The following REX1BD variants were observed in gnomAD, a reference collection of about 807,000 sequenced individuals.
REX1BD encodes required for excision 1-B domain-containing protein.
In REX1BD, 22 loss-of-function variants were observed where a neutral mutation model predicts 24.4. The observed-to-expected ratio is 0.90, with a 90% CI of 0.64 to 1.29. The LOEUF (loss-of-function observed/expected upper bound fraction) is 1.29. Ranked by LOEUF, REX1BD falls within the 50% of genes most tolerant of loss-of-function variation. The pLI, the probability that REX1BD is intolerant of heterozygous loss-of-function variation, is 0.00. For synonymous variants in REX1BD, 146 were observed against 125.9 expected, an observed-to-expected ratio of 1.16 and a Z score of -1.07; for missense variants, 293 against 285.3, an observed-to-expected ratio of 1.03 and a Z score of -0.19.
chr19:18,589,210 C>T lies in REX1BD; in HGVS notation c.182+133C>T. The stretch of plus-strand genomic sequence containing the variant: ...GCAGAGTCAGATGGGGCGGGGATTT[C>T]GGGGCACCGGGTCCTCACCTTCACG... On this transcript the variant is annotated intron_variant, in intron 2 of 4. Transcript: ENST00000358607. The T allele has an allele frequency of 6.6e-6, 10 of 1,505,274 alleles. No homozygotes were observed. In the South Asian group the frequency reaches 1.1e-4, roughly 17 times the overall value. The allele number at this position is 1,505,274 out of a possible 1,614,324, so 93.2% of individuals were successfully genotyped here.
chr19:18,589,006 G>C lies in REX1BD; in HGVS notation c.111G>C (p.Pro37=). 6.5e-7 allele frequency: 1 copy of C among 1,527,860 alleles called. No individual in the cohort carries two copies. Among genetic ancestry groups the C allele is most frequent in the Non-Finnish European group, 8.7e-7 (1 of 1,143,902 alleles). The allele number at this position is 1,527,860 out of a possible 1,614,324, so 94.6% of individuals were successfully genotyped here. A position where few individuals can be genotyped will look rare whatever the true frequency, so the allele number is the denominator to read the frequency against. Residue 37 remains proline, a synonymous_variant, in exon 2 of 5, where the codon CCG becomes CCC. Coordinates refer to ENST00000358607, the MANE Select transcript of REX1BD (RefSeq NM_001100418.2). ...CCCCTGTCCCGCAGAAAGACGCCCC[G>C]ATCCGGACGCTGGTGCAGCGCATCC... ...EEPAWPWKDA[P]IRTLVQRIHQ...
intron 3 of REX1BD, 60 bp downstream of exon 3, chr19:18,589,743 C>G: frequency 7.0e-7 from 1 of 1,433,138 alleles, no homozygotes; most frequent in Non-Finnish European, 9.1e-7. Flanking sequence ...CCTCTCATGA[C>G]GCACCCCTGG....
At chr19:18,588,965 C>A (rs1229735526) in intron 1 of REX1BD, 30 bp from the exon 2 acceptor site, 2 of 1,523,622 alleles carry the variant, frequency 1.3e-6, no homozygotes, top group Admixed American at 4.0e-5. Context: ...GCGCGGGCTT[C>A]ATGCCCCAGC....
Position 18,588,915 on chromosome 19 carries a change from A to G in REX1BD, c.99+15A>G, listed in dbSNP as rs1975974042. 1 of 1,527,180 alleles carries G rather than the reference A, an allele frequency of 6.5e-7. No individual in the cohort carries two copies. The highest frequency in any genetic ancestry group is 1.4e-5 in the African/African-American group (1 of 71,950). 94.6% of individuals were successfully genotyped at this position (1,527,180 alleles called of 1,614,324 possible). A position where few individuals can be genotyped will look rare whatever the true frequency, so the allele number is the denominator to read the frequency against. On this transcript the variant is annotated intron_variant, in intron 1 of 4. Transcript: ENST00000358607. ...CGTGGCCCTGGGTGAGCCCAGGCCC[A>G]AGCGGGAACGGGCGCGGGGCGGGCG...
intron 2 of REX1BD, 93 bp downstream of exon 2, chr19:18,589,170 G>A (rs1173614318): frequency 1.4e-6 from 2 of 1,478,604 alleles, no homozygotes; most frequent in East Asian, 2.5e-5. Context: ...GGAGGAGCTG[G>A]GTCCTTGTGT....
In REX1BD at chr19:18,589,770, G is replaced by A. The variant is rs923548659; in HGVS notation, c.453+87G>A. The A allele has an allele frequency of 2.1e-6, 3 of 1,424,312 alleles. No individual in the cohort carries two copies. The East Asian group carries it at 7.8e-5, about 37-fold the overall frequency. 88.2% of individuals were successfully genotyped at this position (1,424,312 alleles called of 1,614,324 possible). Reference sequence around the variant, plus strand: ...CACCCCTGGTTGGGGGGTGGTCCCAGTATCCCATACACAGACCTCACCCCT... The same window carrying A: ...CACCCCTGGTTGGGGGGTGGTCCCAATATCCCATACACAGACCTCACCCCT... On this transcript the variant is annotated intron_variant, in intron 3 of 4. Transcript: ENST00000358607.
At chr19:18,589,911 C>T (rs999408167) in intron 3 of REX1BD, 6 of 560,458 alleles carry the variant, frequency 1.1e-5, no homozygotes, top group African/African-American at 6.0e-5. Flanking sequence ...AGAGCACTCC[C>T]GCTTTCTCCC....
chr19:18,590,689 C>T (rs7258589), intron 3 of REX1BD, 165 bp from the exon 4 acceptor site: 133,723 of 614,636 alleles, frequency 0.22, 16,220 homozygotes, highest in Non-Finnish European at 0.25. Context: ...CTGAGAGAGC[C>T]TCTAAACTGA....
At chr19:18,589,161 G>A in intron 2 of REX1BD, 84 bp downstream of exon 2, 1 of 1,470,116 alleles carries the variant, frequency 6.8e-7, no homozygotes, top group Non-Finnish European at 9.0e-7. Context: ...GTGCCTGGAG[G>A]AGGAGCTGGG....
chr19:18,589,141 C>T, intron 2 of REX1BD, 64 bp downstream of exon 2: 1 of 1,462,884 alleles, frequency 6.8e-7, no homozygotes. Context: ...TGGGCGTGTT[C>T]TCGGCGGGCG....
Position 18,589,394 on chromosome 19 carries a change from C to A in REX1BD, c.183-19C>A. 1 of 1,556,320 alleles carries A rather than the reference C, an allele frequency of 6.4e-7. No homozygotes were observed. Among genetic ancestry groups the A allele is most frequent in the South Asian group, 1.2e-5 (1 of 84,472 alleles). On this transcript the variant is annotated intron_variant, in intron 2 of 4. Transcript: ENST00000358607. ...TCCTCCCCTCTGGTGTCTGGGGACACTTCCTGGGGGCCTTTCAGGTGGTTG... is the reference window on the plus strand; with the variant it reads ...TCCTCCCCTCTGGTGTCTGGGGACAATTCCTGGGGGCCTTTCAGGTGGTTG...
chr19:18,590,106 C>G lies in REX1BD; in HGVS notation c.453+423C>G, dbSNP rs143626884. 2.5e-3 allele frequency: 445 copies of G among 176,082 alleles called. 2 individuals are homozygous for G. The highest frequency in any genetic ancestry group is 9.9e-3 in the African/African-American group (421 of 42,376). 10.9% of individuals were successfully genotyped at this position (176,082 alleles called of 1,614,324 possible). On this transcript the variant is annotated intron_variant, in intron 3 of 4. Transcript: ENST00000358607. ...GCTTTAGTTCTTTGCCTATTTCTCT[C>G]TTGCGATCCGCCTGCTCGGCCCTGC... is the stretch of plus-strand genomic sequence containing the variant.
chr19:18,589,631 T>C lies in REX1BD; in HGVS notation c.401T>C (p.Leu134Pro). The C allele has an allele frequency of 3.9e-6, 6 of 1,520,232 alleles. No homozygotes were observed. Among genetic ancestry groups the C allele is most frequent in the Non-Finnish European group, 5.3e-6 (6 of 1,141,318 alleles). 94.2% of individuals were successfully genotyped at this position (1,520,232 alleles called of 1,614,324 possible). A position where few individuals can be genotyped will look rare whatever the true frequency, so the allele number is the denominator to read the frequency against. Reference protein sequence around the residue: ...ELGGPRRQPLLAGHVRSLQEL... With the variant: ...ELGGPRRQPLPAGHVRSLQEL... The stretch of plus-strand genomic sequence containing the variant: ...GGCGGGCCTCGCAGGCAGCCGCTGC[T>C]CGCCGGCCACGTGCGCAGCCTGCAG... Residue 134 changes from leucine (L) to proline (P), a missense_variant, in exon 3 of 5, where the codon CTC (leucine) becomes CCC (proline). Transcript: ENST00000358607.
intron 2 of REX1BD, 164 bp downstream of exon 2, chr19:18,589,241 GGCCCCACA>G (rs1975983590): frequency 6.5e-7 from 1 of 1,527,984 alleles, no homozygotes; most frequent in South Asian, 1.2e-5. Context: ...TCACGAAAAA[GGCCCCACA>G]GCACGTCCCC....
chr19:18,590,282 G>A (rs1379237278), intron 3 of REX1BD: 1 of 147,658 alleles, frequency 6.8e-6, no homozygotes, highest in Admixed American at 6.9e-5. Context: ...AGGCTAGAGT[G>A]CAATGGCGCG....
rs202026240 is a variant in REX1BD at position 18,589,005 on chromosome 19, C to G, written c.110C>G (p.Pro37Arg). Reference protein sequence around the residue: ...EEPAWPWKDAPIRTLVQRIHQ... With the variant: ...EEPAWPWKDARIRTLVQRIHQ... ...CCCCCTGTCCCGCAGAAAGACGCCC[C>G]GATCCGGACGCTGGTGCAGCGCATC... Residue 37 changes from proline (P) to arginine (R), a missense_variant, in exon 2 of 5, where the codon CCG becomes CGG. Transcript: ENST00000358607. 4,434 of 1,527,924 alleles carry G rather than the reference C, an allele frequency of 2.9e-3. 15 individuals carry two copies. The highest frequency in any genetic ancestry group is 9.1e-3 in the South Asian group (761 of 83,190). 94.6% of individuals were successfully genotyped at this position (1,527,924 alleles called of 1,614,324 possible). A position where few individuals can be genotyped will look rare whatever the true frequency, so the allele number is the denominator to read the frequency against.
rs757894866 is a variant in REX1BD at position 18,588,887 on chromosome 19, C to A, written c.86C>A (p.Pro29Gln). 1 of 1,532,280 alleles carries A rather than the reference C, an allele frequency of 6.5e-7. No homozygotes were observed. Among genetic ancestry groups the A allele is most frequent in the Non-Finnish European group, 8.7e-7 (1 of 1,145,676 alleles). The allele number at this position is 1,532,280 out of a possible 1,614,324, so 94.9% of individuals were successfully genotyped here. The change falls in exon 1 of 5, where the codon CCG (proline) becomes CAG (glutamine). Residue 29 changes from proline to glutamine, a missense_variant. Transcript: ENST00000358607. ...ACCGAAGCTCGGGGACGCGAGGAGC[C>A]GGCGTGGCCCTGGGTGAGCCCAGGC... ...EATEARGREE[P>Q]AWPWKDAPIR... is the part of the protein sequence containing the mutation.
rs1029530260 is a variant in REX1BD at position 18,592,089 on chromosome 19, T to C, written c.534-19T>C. 1.2e-6 allele frequency: 2 copies of C among 1,613,778 alleles called. No individual in the cohort carries two copies. Among genetic ancestry groups the C allele is most frequent in the Non-Finnish European group, 1.7e-6 (2 of 1,179,960 alleles). Reference sequence around the variant, plus strand: ...CACCCCATCTGGGTTTTATTTATAGTTCCCATCCGCTCTTGTAGGGTAATT... The same window carrying C: ...CACCCCATCTGGGTTTTATTTATAGCTCCCATCCGCTCTTGTAGGGTAATT... On this transcript the variant is annotated intron_variant, in intron 4 of 4. Coordinates refer to ENST00000358607, the MANE Select transcript of REX1BD (RefSeq NM_001100418.2).
At position 18,592,260 on chromosome 19, in the gene REX1BD, C is replaced by A; in HGVS notation, c.*80C>A. ...CAGCCCAGCCCTAACTGCCAGCTGG[C>A]TGGGGTTGCGCCCCACTGCGCTGCT... On this transcript the variant is annotated 3_prime_UTR_variant, in exon 5 of 5. Coordinates refer to ENST00000358607, the MANE Select transcript of REX1BD (RefSeq NM_001100418.2). 6.5e-7 allele frequency: 1 copy of A among 1,549,110 alleles called. No individual in the cohort carries two copies. Among genetic ancestry groups the A allele is most frequent in the Non-Finnish European group, 8.9e-7 (1 of 1,124,114 alleles).
Sources: allele counts gnomAD v4.1 joint callset, GRCh38; gene constraint gnomAD v4.1.1; transcripts MANE v1.5; gene names NCBI Gene and HGNC (gene_info 2026-07-23, HGNC 2026-07-21).